Variants in PLCB4 observed in about 807,000 individuals in gnomAD.
PLCB4 encodes the protein 1-phosphatidylinositol 4,5-bisphosphate phosphodiesterase beta-4.
PLCB4 carries 77 observed loss-of-function variants against 178.8 expected under a neutral mutation model. The observed-to-expected ratio is 0.43, with a 90% CI of 0.36 to 0.52. The LOEUF (loss-of-function observed/expected upper bound fraction) is 0.52, where lower values mean the gene tolerates loss of function less well. PLCB4 is among the 20% of genes least tolerant of loss of function. PLCB4 has a pLI of 0.00. For synonymous variants in PLCB4, 496 were observed against 490.8 expected (o/e 1.01, Z -0.14); for missense variants, 1,024 against 1,453.4 (o/e 0.70, Z 4.80).
intron 4 of PLCB4, among the ~76,000 whole-genome samples, chr20:9,329,489 G>T (rs1051835548): frequency 6.6e-6 from 1 of 152,168 alleles, no homozygotes; most frequent in Non-Finnish European, 1.5e-5. Context: ...CCTAGCAATA[G>T]TAGGCATATT....
intron 3 of PLCB4, among the ~76,000 whole-genome samples, chr20:9,297,957 A>C (rs1192716945): frequency 6.6e-6 from 1 of 152,124 alleles, no homozygotes. Context: ...TGATTATTGC[A>C]GATTGAATTA....
intron 1 of PLCB4, among the ~76,000 whole-genome samples, chr20:9,081,710 T>G (rs1478262066): frequency 6.9e-6 from 1 of 144,882 alleles, no homozygotes; most frequent in Non-Finnish European, 1.5e-5. Flanking sequence ...AATAACCAAA[T>G]GCCATTATTG....
chr20:9,183,804 T>C (rs1325162628), intron 2 of PLCB4, among the ~76,000 whole-genome samples: 1 of 152,224 alleles, frequency 6.6e-6, no homozygotes, highest in African/African-American at 2.4e-5. Context: ...GGTATTAGGC[T>C]GAACCATACG....
At chr20:9,096,377 A>C (rs1279249706) in intron 2 of PLCB4, 35 bp downstream of exon 2, 12 of 152,200 alleles carry the variant, frequency 7.9e-5, no homozygotes, top group Admixed American at 7.9e-4. Flanking sequence ...GTGACTAAAA[A>C]AATTTTATCT....
chr20:9,155,716 T>A (rs1193875479), intron 2 of PLCB4, among the ~76,000 whole-genome samples: 3 of 152,188 alleles, frequency 2.0e-5, no homozygotes, highest in Admixed American at 2.0e-4. Flanking sequence ...ATAAGACTTC[T>A]GAGTGGGTGG....
intron 25 of PLCB4, among the ~76,000 whole-genome samples, chr20:9,415,032 T>A (rs1461410076): frequency 6.6e-6 from 1 of 152,206 alleles, no homozygotes; most frequent in Non-Finnish European, 1.5e-5. Flanking sequence ...TGATAAAGTT[T>A]AATTTATAAA....
intron 35 of PLCB4, among the ~76,000 whole-genome samples, chr20:9,465,393 T>A (rs1043184262): frequency 5.9e-5 from 9 of 152,198 alleles, no homozygotes; most frequent in African/African-American, 2.2e-4. Flanking sequence ...ATGCCCTCTG[T>A]CACCACTCCT....
intron 7 of PLCB4, among the ~76,000 whole-genome samples, chr20:9,347,175 G>A (rs939827277): frequency 2.6e-5 from 4 of 152,130 alleles, no homozygotes; most frequent in African/African-American, 7.2e-5. Context: ...AATACGGGAG[G>A]GTGTGGACTT....
chr20:9,386,947 C>T (rs191987250), intron 14 of PLCB4, among the ~76,000 whole-genome samples: 5 of 150,464 alleles, frequency 3.3e-5, no homozygotes, highest in Admixed American at 3.3e-4. Flanking sequence ...GGCTGGAGTG[C>T]AGTGGCATGA....
At chr20:9,081,011 C>T (rs748158856) in intron 1 of PLCB4, among the ~76,000 whole-genome samples, 4 of 152,164 alleles carry the variant, frequency 2.6e-5, no homozygotes, top group Non-Finnish European at 5.9e-5. Flanking sequence ...TGCAGAATTT[C>T]CTGTCTTGAT....
intron 2 of PLCB4, among the ~76,000 whole-genome samples, chr20:9,167,813 A>G (rs560061400): frequency 3.9e-5 from 6 of 152,342 alleles, no homozygotes; most frequent in African/African-American, 1.4e-4. Context: ...TCAGTTAGGC[A>G]CGCCTTAAAC....
At chr20:9,326,813 C>G (rs774290946) in intron 4 of PLCB4, among the ~76,000 whole-genome samples, 12 of 152,136 alleles carry the variant, frequency 7.9e-5, no homozygotes, top group African/African-American at 2.7e-4. Context: ...ACATTTTCAA[C>G]AAGTCTAAGT....
rs147490332 is a variant in PLCB4, at chr20:9,210,055, G to A, written c.-78-7335G>A. On this transcript the variant is annotated intron_variant, in intron 2 of 39. Transcript: ENST00000378473. The stretch of plus-strand genomic sequence containing the variant: ...TACAGAGCTATGAGCTAATGAATGT[G>A]TGTTGCTTCAAGTCACTACGTTTGT... Among the ~76,000 whole-genome samples, 679 of 151,942 alleles carry A rather than the reference G, an allele frequency of 4.5e-3. 9 individuals carry two copies. Among genetic ancestry groups the A allele is most frequent in the African/African-American group, 0.016 (648 of 41,456 alleles).
At chr20:9,345,184 CAT>C (rs1470990011) in intron 7 of PLCB4, among the ~76,000 whole-genome samples, 6 of 152,026 alleles carry the variant, frequency 3.9e-5, no homozygotes, top group Non-Finnish European at 2.9e-5. Context: ...AGTGAAACTC[CAT>C]CTCAAAAAAA....
chr20:9,147,911 T>C (rs765939377), intron 2 of PLCB4, among the ~76,000 whole-genome samples: 2 of 152,016 alleles, frequency 1.3e-5, no homozygotes, highest in Non-Finnish European at 2.9e-5. Context: ...AACTTAGAAA[T>C]TGCAGGATGA....
At chr20:9,366,414 A>T (rs1230459603) in intron 9 of PLCB4, among the ~76,000 whole-genome samples, 1 of 151,526 alleles carries the variant, frequency 6.6e-6, no homozygotes, top group African/African-American at 2.4e-5. Flanking sequence ...AAAAAAAAAA[A>T]AAAAGACTTG....
At chr20:9,423,552 T>C (rs1362530547) in intron 27 of PLCB4, among the ~76,000 whole-genome samples, 196 bp from the exon 28 acceptor site, 5 of 152,246 alleles carry the variant, frequency 3.3e-5, no homozygotes, top group African/African-American at 1.2e-4. Flanking sequence ...CCAGGAAACA[T>C]GTTCCAATTG....
chr20:9,170,842 C>G (rs1206271624), intron 2 of PLCB4, among the ~76,000 whole-genome samples: 1 of 152,150 alleles, frequency 6.6e-6, no homozygotes, highest in African/African-American at 2.4e-5. Flanking sequence ...TCAAAATGGC[C>G]TGGAGGCAGA....
intron 1 of PLCB4, among the ~76,000 whole-genome samples, chr20:9,090,284 T>C (rs1347693285): frequency 1.3e-5 from 2 of 151,570 alleles, no homozygotes; most frequent in African/African-American, 4.8e-5. Context: ...AAATGATGCA[T>C]TACTGAAGAA....
Sources: gnomAD v4.1 joint callset for allele counts (sites outside exome capture counted in the v4.1 genomes callset) on GRCh38, gnomAD v4.1.1 for gene constraint, MANE v1.5 for transcripts, NCBI Gene and HGNC (gene_info 2026-07-23, HGNC 2026-07-21) for gene names.